Variants in GDAP1 observed in about 807,000 individuals in gnomAD.
GDAP1 encodes ganglioside-induced differentiation-associated protein 1.
In GDAP1, 34 loss-of-function variants were observed where a neutral mutation model predicts 40.1. That is an observed-to-expected ratio of 0.85 (90% confidence interval 0.64 to 1.13). GDAP1 has a LOEUF of 1.13. Among genes scored for constraint, GDAP1 ranks in the 50% most tolerant of loss-of-function variants. The probability of loss-of-function intolerance (pLI) is 0.00; values close to 1 mark genes in which losing one functional copy is unlikely to be tolerated. For synonymous variants in GDAP1, 170 were observed against 157.4 expected, an observed-to-expected ratio of 1.08 and a Z score of -0.60; for missense variants, 374 against 433.7, an observed-to-expected ratio of 0.86 and a Z score of 1.22.
chr8:74,444,665 A>G (rs934655285), intron 2 of GDAP1, among the ~76,000 whole-genome samples: 1 of 152,336 alleles, frequency 6.6e-6, no homozygotes, highest in Admixed American at 6.5e-5. Context: ...AAAAAAGAAC[A>G]TGAAACAAAA....
At chr8:74,355,861 T>C (rs921032834) in intron 2 of GDAP1, among the ~76,000 whole-genome samples, 23 of 152,164 alleles carry the variant, frequency 1.5e-4, no homozygotes, top group Non-Finnish European at 3.1e-4. Context: ...GAATTTAGTT[T>C]GGAAATAAAC....
intron 2 of GDAP1, among the ~76,000 whole-genome samples, chr8:74,373,230 G>A (rs1305235385): frequency 2.0e-5 from 3 of 152,090 alleles, no homozygotes; most frequent in Non-Finnish European, 2.9e-5. Context: ...GGATTGACTT[G>A]GCAATGCAGG....
downstream of GDAP1, among the ~76,000 whole-genome samples, chr8:74,368,459 T>C (rs1400738025): frequency 6.6e-6 from 1 of 152,208 alleles, no homozygotes; most frequent in Admixed American, 6.5e-5. Flanking sequence ...ACAAAAATGA[T>C]ATGAACTATA....
In GDAP1 at chr8:74,365,226, T is replaced by C. The variant is rs1809566140; in HGVS notation, c.*859T>C. The C allele has an allele frequency of 2.2e-6, 1 of 453,952 alleles. No individual in the cohort carries two copies. The highest frequency in any genetic ancestry group is 6.9e-5 in the East Asian group (1 of 14,408). 28.1% of individuals were successfully genotyped at this position (453,952 alleles called of 1,614,324 possible). A position where few individuals can be genotyped will look rare whatever the true frequency, so the allele number is the denominator to read the frequency against. On this transcript the variant is annotated 3_prime_UTR_variant, in exon 6 of 6. Transcript: ENST00000220822. ...GAGCACCAAATATGTTCATTCTTCG[T>C]TTGGGGAGGCTGGTCTGTAAACACA...
intron 5 of GDAP1, 76 bp downstream of exon 5, chr8:74,363,129 A>T: frequency 1.3e-6 from 1 of 777,616 alleles, no homozygotes; most frequent in Non-Finnish European, 2.3e-6. Flanking sequence ...GTCTCACCAA[A>T]AACGTTCTGT....
intron 2 of GDAP1, among the ~76,000 whole-genome samples, chr8:74,385,540 G>A (rs1381868259): frequency 1.3e-5 from 2 of 152,112 alleles, no homozygotes; most frequent in African/African-American, 2.4e-5. Context: ...AGTATTCCAT[G>A]GTGTATATGT....
chr8:74,359,673 G>A (rs1809261102), intron 2 of GDAP1, among the ~76,000 whole-genome samples: 1 of 152,186 alleles, frequency 6.6e-6, no homozygotes, highest in South Asian at 2.1e-4. Flanking sequence ...AGTGTGTGGA[G>A]AACTGTGCTA....
At chr8:74,419,144 C>T (rs1232610033) in intron 2 of GDAP1, among the ~76,000 whole-genome samples, 6 of 152,162 alleles carry the variant, frequency 3.9e-5, no homozygotes, top group Admixed American at 3.3e-4. Flanking sequence ...TAAACCTGCA[C>T]TTACCATATA....
In GDAP1 at chr8:74,381,159, T is replaced by C. The variant is rs1220314266; in HGVS notation, c.165+29838T>C. Among the ~76,000 whole-genome samples the C allele has an allele frequency of 2.0e-5, 3 of 152,262 alleles. No homozygotes were observed. In the East Asian group the frequency reaches 5.8e-4, roughly 29 times the overall value. Reference sequence around the variant, plus strand: ...GTCAAAATTTATCAAATTGTTTATTTATATCAATAATACCTCAACAAAGCT... The same window carrying C: ...GTCAAAATTTATCAAATTGTTTATTCATATCAATAATACCTCAACAAAGCT... On this transcript the variant is annotated intron_variant, in intron 2 of 2. Transcript: ENST00000523640.
chr8:74,351,551 TC>T, intron 2 of GDAP1, 85 bp downstream of exon 2: 5 of 997,128 alleles, frequency 5.0e-6, no homozygotes, highest in African/African-American at 1.6e-5. Flanking sequence ...CTCTCCTCTC[TC>T]TCTTTCTCTT....
chr8:74,479,698 C>A (rs999030690), intron 2 of GDAP1, among the ~76,000 whole-genome samples: 1 of 152,178 alleles, frequency 6.6e-6, no homozygotes, highest in African/African-American at 2.4e-5. Context: ...ATGTGTGTAG[C>A]CAGCTGGTAG....
intron 2 of GDAP1, among the ~76,000 whole-genome samples, chr8:74,472,930 T>A (rs926199122): frequency 2.0e-5 from 3 of 151,882 alleles, no homozygotes; most frequent in African/African-American, 7.3e-5. Flanking sequence ...GTATTTTTTT[T>A]GTAGAGATGG....
In GDAP1 at chr8:74,366,565, G is replaced by T. The variant is rs762456715; in HGVS notation, c.*2198G>T. 14 of 453,710 alleles carry T rather than the reference G, an allele frequency of 3.1e-5. No homozygotes were observed. Among genetic ancestry groups the T allele is most frequent in the South Asian group, 1.9e-4 (12 of 64,392 alleles). 28.1% of individuals were successfully genotyped at this position (453,710 alleles called of 1,614,324 possible). On this transcript the variant is annotated 3_prime_UTR_variant, in exon 6 of 6. Coordinates refer to ENST00000220822, the MANE Select transcript of GDAP1 (RefSeq NM_018972.4). ...TTCTTTTTCATGATTATCGGTGACT[G>T]GTCAGTGTACTCATCAATTTCCAAA...
intron 2 of GDAP1, among the ~76,000 whole-genome samples, chr8:74,477,669 C>A (rs994418930): frequency 3.3e-5 from 5 of 151,996 alleles, no homozygotes; most frequent in African/African-American, 1.2e-4. Flanking sequence ...GTTGGAGGGG[C>A]CCAGGTACTC....
At chr8:74,409,101 G>C (rs143989867) in intron 2 of GDAP1, among the ~76,000 whole-genome samples, 1 of 149,834 alleles carries the variant, frequency 6.7e-6, no homozygotes, top group Non-Finnish European at 1.5e-5. Flanking sequence ...TGCTCTATAC[G>C]TGATTCTGAT....
chr8:74,356,716 A>ATATATATATATATTT (rs375377157), intron 2 of GDAP1, among the ~76,000 whole-genome samples: 1 of 104,360 alleles, frequency 9.6e-6, no homozygotes, highest in Non-Finnish European at 1.8e-5. Flanking sequence ...ATATATATAT[A>ATATATATATATATTT]TTTTTTTTTT....
rs1208036280 is a variant in GDAP1, at chr8:74,400,806, T to A, written c.165+49485T>A. Among the ~76,000 whole-genome samples, 3 of 149,258 alleles carry A rather than the reference T, an allele frequency of 2.0e-5. No individual in the cohort carries two copies. In the East Asian group the frequency reaches 5.8e-4, roughly 29 times the overall value. ...GTAAAGGATTTTATTTCTCCTTCAC[T>A]TATGAAGCTTAGTTTGGCTGGATAT... On this transcript the variant is annotated intron_variant, in intron 2 of 2. Transcript: ENST00000523640.
downstream of GDAP1, chr8:74,367,028 G>A: frequency 7.6e-6 from 2 of 263,474 alleles, no homozygotes; most frequent in Non-Finnish European, 1.5e-5. Context: ...TAACAAAATT[G>A]CTGACTCTTG....
In GDAP1 at chr8:74,350,444, G is replaced by T. The variant is rs766892970; in HGVS notation, c.-18G>T. The stretch of plus-strand genomic sequence containing the variant: ...CAGGGCGGACAGGCTGGGCGCACCC[G>T]TGCTCGCGCACCCCAAGATGGCTGA... On this transcript the variant is annotated 5_prime_UTR_variant, in exon 1 of 6. Transcript: ENST00000220822. The T allele has an allele frequency of 4.6e-6, 7 of 1,515,814 alleles. No homozygotes were observed. Among genetic ancestry groups the T allele is most frequent in the Non-Finnish European group, 6.4e-6 (7 of 1,092,950 alleles). The allele number at this position is 1,515,814 out of a possible 1,614,324, so 93.9% of individuals were successfully genotyped here.
Sources: gnomAD v4.1 joint callset for allele counts (sites outside exome capture counted in the v4.1 genomes callset) on GRCh38, gnomAD v4.1.1 for gene constraint, MANE v1.5 for transcripts, NCBI Gene and HGNC (gene_info 2026-07-23, HGNC 2026-07-21) for gene names.